Variants in CCDC43 observed in about 807,000 individuals in gnomAD.
The protein encoded by CCDC43 is coiled-coil domain-containing protein 43.
In CCDC43, 20 loss-of-function variants were observed where a neutral mutation model predicts 33.3. That is an observed-to-expected ratio of 0.60 (90% CI 0.42 to 0.87). CCDC43 has a LOEUF of 0.87. Among genes scored for constraint, CCDC43 ranks in the 40% least tolerant of loss-of-function variants. CCDC43 has a pLI of 0.00. For missense variants in CCDC43, 248 were observed against 269.9 expected (o/e 0.92, Z 0.57); for synonymous variants, 104 against 106.5 (o/e 0.98, Z 0.14).
chr17:44,680,468 T>G, intron 4 of CCDC43, 117 bp downstream of exon 4: 1 of 719,558 alleles, frequency 1.4e-6, no homozygotes, highest in East Asian at 2.5e-5. Context: ...GCTCCCAATG[T>G]TAGCATGACA....
chr17:44,681,782 G>A (rs992256996), intron 3 of CCDC43: 76 of 549,484 alleles, frequency 1.4e-4, no homozygotes, highest in African/African-American at 1.2e-3. Context: ...TTACACCAAA[G>A]TTTTCAGGAA....
rs755428500 is a variant in CCDC43 at position 44,689,698 on chromosome 17, C to G, written c.56G>C (p.Gly19Ala). ...AIAPGEGDGG[G>A]GGFGSWLDGR... ...GTCCAGCCAGGAGCCAAAGCCGCCG[C>G]CTCCGCCATCGCCTTCGCCAGGGGC... Residue 19 changes from glycine to alanine, a missense_variant, in exon 1 of 5, where the codon GGC (glycine) becomes GCC (alanine). Coordinates refer to ENST00000315286, the MANE Select transcript of CCDC43 (RefSeq NM_144609.3). 2.2e-5 allele frequency: 36 copies of G among 1,605,414 alleles called. 1 individual carries two copies. The South Asian group carries it at 2.3e-4, about 10-fold the overall frequency.
Position 44,680,111 on chromosome 17 carries a change from G to A in CCDC43, c.487+474C>T, listed in dbSNP as rs144941926. Reference sequence around the variant, plus strand: ...TCCCACCTCAGCCTCCTGAGTATCTGGGACTATGACTATAGGCACATGCCA... The same window carrying A: ...TCCCACCTCAGCCTCCTGAGTATCTAGGACTATGACTATAGGCACATGCCA... On this transcript the variant is annotated intron_variant, in intron 4 of 4. Coordinates refer to ENST00000315286, the MANE Select transcript of CCDC43 (RefSeq NM_144609.3). Among the ~76,000 whole-genome samples, 68 of 151,818 alleles carry A rather than the reference G, an allele frequency of 4.5e-4. 1 individual carries two copies. In the East Asian group the frequency reaches 0.011, roughly 25 times the overall value.
rs760182889 is a variant in CCDC43 at position 44,678,824 on chromosome 17, T to C, written c.*32A>G. The C allele has an allele frequency of 1.4e-5, 23 of 1,595,652 alleles. No homozygotes were observed. Among genetic ancestry groups the C allele is most frequent in the Non-Finnish European group, 2.0e-5 (23 of 1,169,856 alleles). On this transcript the variant is annotated 3_prime_UTR_variant, in exon 5 of 5. Coordinates refer to ENST00000315286, the MANE Select transcript of CCDC43 (RefSeq NM_144609.3). Reference sequence around the variant, plus strand: ...CACAACCAGTTCTCCCTTTGATAAGTTCATGGGGGGAAAGAATAGAGTAGG... The same window carrying C: ...CACAACCAGTTCTCCCTTTGATAAGCTCATGGGGGGAAAGAATAGAGTAGG...
chr17:44,683,637 A>G (rs1395142790), intron 2 of CCDC43, among the ~76,000 whole-genome samples: 3 of 152,180 alleles, frequency 2.0e-5, no homozygotes, highest in African/African-American at 7.2e-5. Context: ...AAAAAGAAAA[A>G]GTAAAAAACC....
chr17:44,688,951 T>C (rs2144699476), intron 1 of CCDC43: 1 of 153,236 alleles, frequency 6.5e-6, no homozygotes, highest in East Asian at 1.9e-4. Flanking sequence ...CTCTGATCTC[T>C]CTCATACCCT....
chr17:44,679,146 C>T (rs372307408), intron 4 of CCDC43, 103 bp from the exon 5 acceptor site: 29 of 785,260 alleles, frequency 3.7e-5, no homozygotes, highest in East Asian at 2.8e-5. Flanking sequence ...AGTCCTGAAT[C>T]GTCTTTATCT....
At chr17:44,679,248 T>G (rs1324676208) in intron 4 of CCDC43, among the ~76,000 whole-genome samples, 4 of 152,152 alleles carry the variant, frequency 2.6e-5, no homozygotes, top group African/African-American at 4.8e-5. Flanking sequence ...AAATGTCCTT[T>G]GGAATAAAAC....
intron 1 of CCDC43, among the ~76,000 whole-genome samples, chr17:44,684,555 G>A (rs924980912): frequency 2.0e-5 from 3 of 151,846 alleles, no homozygotes; most frequent in African/African-American, 2.4e-5. Flanking sequence ...AAAATTAGCC[G>A]GGTGTGGTGG....
chr17:44,679,770 T>A (rs1218898446), intron 4 of CCDC43, among the ~76,000 whole-genome samples: 1 of 151,878 alleles, frequency 6.6e-6, no homozygotes, highest in Non-Finnish European at 1.5e-5. Context: ...CACACACACC[T>A]GTAGTCCCAG....
intron 1 of CCDC43, among the ~76,000 whole-genome samples, chr17:44,685,293 C>T (rs1156955828): frequency 6.6e-6 from 1 of 152,150 alleles, no homozygotes; most frequent in Non-Finnish European, 1.5e-5. Flanking sequence ...AGAACCTTCC[C>T]TAAGGTTATC....
chr17:44,686,015 G>A (rs1482670582), intron 1 of CCDC43, among the ~76,000 whole-genome samples: 2 of 152,036 alleles, frequency 1.3e-5, no homozygotes, highest in African/African-American at 4.8e-5. Context: ...CTGGGTTCAC[G>A]CCATTATCCT....
intron 3 of CCDC43, among the ~76,000 whole-genome samples, chr17:44,681,107 A>T (rs568827885): frequency 2.6e-4 from 40 of 152,274 alleles, no homozygotes; most frequent in African/African-American, 6.0e-4. Context: ...CCGGAACCAT[A>T]GCTCTGCCAA....
intron 1 of CCDC43, among the ~76,000 whole-genome samples, chr17:44,687,200 T>G (rs972350597): frequency 7.9e-5 from 12 of 152,024 alleles, no homozygotes; most frequent in African/African-American, 2.9e-4. Flanking sequence ...CCCAGCACTT[T>G]GAGAGACTGA....
In CCDC43 at chr17:44,689,565, G is replaced by A. The variant is rs1320216251; in HGVS notation, c.189C>T (p.Ile63=). The part of the protein sequence containing the change: ...EEEKLDALQG[I]LSAFLEEDSL... Reference sequence around the variant, plus strand: ...GGCTACTCACCAGGAAAGCAGAGAGGATCCCCTGCAGAGCGTCCAGCTTCT... The same window carrying A: ...GGCTACTCACCAGGAAAGCAGAGAGAATCCCCTGCAGAGCGTCCAGCTTCT... The change falls in exon 1 of 5, where the codon ATC becomes ATT. Residue 63 remains isoleucine (I), a synonymous_variant. Transcript: ENST00000315286. 3.1e-6 allele frequency: 5 copies of A among 1,613,974 alleles called. No homozygotes were observed. Among genetic ancestry groups the A allele is most frequent in the Middle Eastern group, 3.3e-4 (2 of 6,062 alleles).
chr17:44,689,356 T>A (rs1972287849), intron 1 of CCDC43, 194 bp downstream of exon 1: 1 of 714,638 alleles, frequency 1.4e-6, no homozygotes, highest in African/African-American at 1.8e-5. Context: ...TCTGTGTACC[T>A]GCAGCTTTCA....
At chr17:44,682,238 T>C (rs927813411) in intron 2 of CCDC43, 100 bp from the exon 3 acceptor site, 4 of 1,407,114 alleles carry the variant, frequency 2.8e-6, no homozygotes, top group Non-Finnish European at 4.0e-6. Context: ...GACATTGGCA[T>C]CTGCTGCCTC....
intron 1 of CCDC43, 26 bp from the exon 2 acceptor site, chr17:44,683,985 T>C (rs1972198479): frequency 2.0e-6 from 3 of 1,474,504 alleles, no homozygotes; most frequent in Non-Finnish European, 2.8e-6. Context: ...GACCAATTAA[T>C]TTCCTGAGGG....
In CCDC43 at chr17:44,677,803, T is replaced by C. The variant is rs1323004482; in HGVS notation, c.*1053A>G. 2.0e-5 allele frequency: 3 copies of C among 152,214 alleles called. No individual in the cohort carries two copies. Among genetic ancestry groups the C allele is most frequent in the African/African-American group, 4.8e-5 (2 of 41,450 alleles). 9.4% of individuals were successfully genotyped at this position (152,214 alleles called of 1,614,324 possible). On this transcript the variant is annotated 3_prime_UTR_variant, in exon 5 of 5. Transcript: ENST00000315286. ...GTTTGCCAACCCCTGGTATAAAATA[T>C]CTACTTTGTCTTGTCAGAGAAATTG...
Sources: gnomAD v4.1 joint callset for allele counts (sites outside exome capture counted in the v4.1 genomes callset) on GRCh38, gnomAD v4.1.1 for gene constraint, MANE v1.5 for transcripts, NCBI Gene and HGNC (gene_info 2026-07-23, HGNC 2026-07-21) for gene names.